FILIP1L: variants seen among roughly 807,000 people sequenced by gnomAD.
The protein encoded by FILIP1L is filamin A-interacting protein 1-like.
A neutral mutation model predicts 96.6 loss-of-function variants in FILIP1L; 55 were observed. The ratio of observed to expected loss-of-function variants is 0.57; its 90% CI spans 0.46 to 0.71. The LOEUF (loss-of-function observed/expected upper bound fraction) is 0.71, where lower values mean the gene tolerates loss of function less well. Among genes scored for constraint, FILIP1L ranks in the 30% least tolerant of loss-of-function variants. The pLI is 0.00. For missense variants in FILIP1L, 1,304 were observed against 1,321.2 expected, an observed-to-expected ratio of 0.99 and a Z score of 0.20; for synonymous variants, 467 against 473.9, an observed-to-expected ratio of 0.99 and a Z score of 0.19.
intron 2 of FILIP1L, 90 bp downstream of exon 2, chr3:99,930,679 C>T: frequency 7.1e-7 from 1 of 1,399,922 alleles, no homozygotes; most frequent in East Asian, 2.3e-5. Flanking sequence ...GTATGAACCA[C>T]AGATATCTAT....
At chr3:100,002,894 A>C (rs1311909267) in intron 1 of FILIP1L, among the ~76,000 whole-genome samples, 1 of 152,184 alleles carries the variant, frequency 6.6e-6, no homozygotes, top group African/African-American at 2.4e-5. Context: ...TTCTCTGATG[A>C]GTATGTGTAT....
At chr3:100,037,255 G>C (rs1053258482) in intron 1 of FILIP1L, among the ~76,000 whole-genome samples, 2 of 152,112 alleles carry the variant, frequency 1.3e-5, no homozygotes, top group Non-Finnish European at 2.9e-5. Context: ...AAAGGGACAT[G>C]ATGTCTGCAA....
chr3:99,863,956 G>A (rs72934464), intron 4 of FILIP1L, among the ~76,000 whole-genome samples: 9,529 of 152,246 alleles, frequency 0.063, 858 homozygotes, highest in African/African-American at 0.2. Flanking sequence ...CATTGGATCA[G>A]TGTTCTTAAG....
At chr3:100,089,980 A>G (rs2066075870) in intron 1 of FILIP1L, among the ~76,000 whole-genome samples, 2 of 152,186 alleles carry the variant, frequency 1.3e-5, no homozygotes, top group African/African-American at 4.8e-5. Context: ...TAGTACACTC[A>G]TCTTCCCTAC....
At chr3:100,055,868 G>A (rs2065455708) in intron 1 of FILIP1L, among the ~76,000 whole-genome samples, 1 of 152,154 alleles carries the variant, frequency 6.6e-6, no homozygotes, top group Non-Finnish European at 1.5e-5. Flanking sequence ...TAGATATGAA[G>A]TTTTTCATAA....
intron 1 of FILIP1L, among the ~76,000 whole-genome samples, chr3:100,029,330 T>G (rs2064983589): frequency 1.3e-5 from 2 of 152,082 alleles, no homozygotes; most frequent in Admixed American, 6.5e-5. Context: ...CACATAACAC[T>G]ATTGATTTTG....
intron 1 of FILIP1L, among the ~76,000 whole-genome samples, chr3:99,971,114 G>A (rs1469600417): frequency 6.6e-6 from 1 of 152,138 alleles, no homozygotes; most frequent in East Asian, 1.9e-4. Flanking sequence ...AAGGCGGGCG[G>A]ATCACTAGGT....
chr3:99,893,484 A>G (rs963738067), intron 4 of FILIP1L, among the ~76,000 whole-genome samples: 2 of 152,092 alleles, frequency 1.3e-5, no homozygotes, highest in Admixed American at 6.5e-5. Context: ...ACATTTTTTA[A>G]TAGGCATTTA....
In FILIP1L at chr3:99,907,223, TTAAC is replaced by T. The variant is rs556126210; in HGVS notation, c.605+17003_605+17006del. ...GATGGAATGGTGTGGAATAGTTATCTTAACTACCTATTACCCTTTTAATTTTCTT... is the reference window on the plus strand; with the variant it reads ...GATGGAATGGTGTGGAATAGTTATCTTACCTATTACCCTTTTAATTTTCTT... On this transcript the variant is annotated intron_variant, in intron 4 of 5. Transcript: ENST00000477258. Among the ~76,000 whole-genome samples, 695 of 152,194 alleles carry T rather than the reference TTAAC, an allele frequency of 4.6e-3. 2 individuals are homozygous for T. Among genetic ancestry groups the T allele is most frequent in the South Asian group, 7.1e-3 (34 of 4,814 alleles).
intron 4 of FILIP1L, among the ~76,000 whole-genome samples, chr3:99,875,719 T>C (rs753643739): frequency 6.6e-6 from 1 of 152,168 alleles, no homozygotes; most frequent in Admixed American, 6.5e-5. Context: ...GGAGGAGAGA[T>C]AGGGTTGCTG....
intron 4 of FILIP1L, among the ~76,000 whole-genome samples, chr3:99,888,521 C>T (rs1403587525): frequency 6.6e-6 from 1 of 152,184 alleles, no homozygotes; most frequent in Non-Finnish European, 1.5e-5. Flanking sequence ...AAAAGCACCC[C>T]TGAATATTAA....
chr3:99,897,185 C>T (rs1243871373), intron 4 of FILIP1L, among the ~76,000 whole-genome samples: 15 of 152,004 alleles, frequency 9.9e-5, no homozygotes, highest in Admixed American at 9.8e-4. Flanking sequence ...ATAGTGAAAC[C>T]CAATCTCTAC....
At chr3:99,998,646 T>C (rs1378857167) in intron 1 of FILIP1L, among the ~76,000 whole-genome samples, 1 of 152,154 alleles carries the variant, frequency 6.6e-6, no homozygotes, top group Non-Finnish European at 1.5e-5. Flanking sequence ...CACTGCAAGC[T>C]CCGCCTCCCG....
chr3:99,981,152 C>G (rs1203436012), intron 1 of FILIP1L, among the ~76,000 whole-genome samples: 1 of 152,090 alleles, frequency 6.6e-6, no homozygotes, highest in African/African-American at 2.4e-5. Context: ...TCACAAACAC[C>G]CTGTGCTGGG....
intron 1 of FILIP1L, among the ~76,000 whole-genome samples, chr3:100,055,834 A>T (rs1003541940): frequency 2.6e-5 from 4 of 152,350 alleles, no homozygotes; most frequent in Non-Finnish European, 5.9e-5. Context: ...TTTATATTAA[A>T]TTACTCTTCC....
chr3:99,953,166 A>G (rs968591932), intron 1 of FILIP1L, among the ~76,000 whole-genome samples: 1 of 152,206 alleles, frequency 6.6e-6, no homozygotes, highest in South Asian at 2.1e-4. Flanking sequence ...AAATAATATT[A>G]TCTTTTTGTA....
chr3:100,033,385 G>A (rs370399116), intron 1 of FILIP1L, among the ~76,000 whole-genome samples: 1 of 152,188 alleles, frequency 6.6e-6, no homozygotes, highest in Non-Finnish European at 1.5e-5. Flanking sequence ...AGCTCTGGAA[G>A]GCTTCCATCA....
intron 4 of FILIP1L, among the ~76,000 whole-genome samples, chr3:99,912,311 A>G (rs1706815824): frequency 6.6e-6 from 1 of 152,228 alleles, no homozygotes; most frequent in African/African-American, 2.4e-5. Context: ...ATAGAGACAG[A>G]AAGGAGATCA....
At chr3:99,909,938 T>TTCCCATTTTATAGATGGAAG (rs1368114649) in intron 4 of FILIP1L, among the ~76,000 whole-genome samples, 9 of 138,556 alleles carry the variant, frequency 6.5e-5, no homozygotes, top group East Asian at 4.0e-4. Context: ...AGAGCTGTTG[T>TTCCCATTTTATAGATGGAAG]CATCTGACCA....
Sources: allele counts gnomAD v4.1 joint callset (sites outside exome capture counted in the v4.1 genomes callset), GRCh38; gene constraint gnomAD v4.1.1; transcripts MANE v1.5; gene names NCBI Gene and HGNC (gene_info 2026-07-23, HGNC 2026-07-21).